Variants in EEF1A2 observed in about 807,000 individuals in gnomAD.
EEF1A2 encodes elongation factor 1-alpha 2.
EEF1A2 carries 5 observed loss-of-function variants against 39.3 expected under a neutral mutation model. The ratio of observed to expected loss-of-function variants is 0.13; its 90% confidence interval spans 0.07 to 0.27. The LOEUF (loss-of-function observed/expected upper bound fraction) is 0.27, where lower values mean the gene tolerates loss of function less well. Ranked by LOEUF, EEF1A2 falls within the 10% of genes least tolerant of loss-of-function variation. The pLI, the probability that EEF1A2 is intolerant of heterozygous loss-of-function variation, is 1.00. For missense variants in EEF1A2, 218 were observed against 681.4 expected, an observed-to-expected ratio of 0.32 and a Z score of 7.57; for synonymous variants, 287 against 293.7, an observed-to-expected ratio of 0.98 and a Z score of 0.23.
In EEF1A2 at chr20:63,488,195, G is replaced by C. The variant is rs928631028; in HGVS notation, c.*103C>G. On this transcript the variant is annotated 3_prime_UTR_variant, in exon 8 of 8. Transcript: ENST00000217182. ...GCAGACATGCGCCTGGCGGGGGTGC[G>C]GGGCGCCGGACCGGCGCGCGGGGCG... 175 of 767,450 alleles carry C rather than the reference G, an allele frequency of 2.3e-4. No homozygotes were observed. Among genetic ancestry groups the C allele is most frequent in the Middle Eastern group, 6.6e-4 (1 of 1,524 alleles). 47.5% of individuals were successfully genotyped at this position (767,450 alleles called of 1,614,324 possible). A position where few individuals can be genotyped will look rare whatever the true frequency, so the allele number is the denominator to read the frequency against.
At position 63,496,055 on chromosome 20, in the gene EEF1A2, C is replaced by G. The variant is rs756963600; in HGVS notation, c.145-20G>C. ...CCCCATCTGGAGCGGGTGAGGGTCA[C>G]GGCTGAGGGCGGGACCCGGGACCCA... is the stretch of plus-strand genomic sequence containing the variant. On this transcript the variant is annotated intron_variant, in intron 2 of 7. Coordinates refer to ENST00000217182, the MANE Select transcript of EEF1A2 (RefSeq NM_001958.5). 1 of 1,611,268 alleles carries G rather than the reference C, an allele frequency of 6.2e-7. No homozygotes were observed. The highest frequency in any genetic ancestry group is 1.3e-5 in the African/African-American group (1 of 75,048).
At position 63,493,243 on chromosome 20, in the gene EEF1A2, G is replaced by A. The variant is rs1023284810; in HGVS notation, c.666C>T (p.Asn222=). 9 of 1,545,194 alleles carry A rather than the reference G, an allele frequency of 5.8e-6. No individual in the cohort carries two copies. The highest frequency in any genetic ancestry group is 4.1e-5 in the African/African-American group (3 of 72,856). The change falls in exon 5 of 8, where the codon AAC becomes AAT. Residue 222 remains asparagine, a synonymous_variant. Coordinates refer to ENST00000217182, the MANE Select transcript of EEF1A2 (RefSeq NM_001958.5). The stretch of plus-strand genomic sequence containing the variant: ...CCTCCAGCAGGGACACGCCGCTTGC[G>A]TTGCCCTCCTTACGCTCCACCTTCC... ...KGWKVERKEG[N]ASGVSLLEAL... is the part of the protein sequence containing the mutation.
chr20:63,493,126 C>T lies in EEF1A2; in HGVS notation c.772+11G>A. On this transcript the variant is annotated intron_variant, in intron 5 of 7. Transcript: ENST00000217182. Reference sequence around the variant, plus strand: ...GCCAGGCAGGAGCTCCAGCACAGCGCCCTTGCTCACCGCCAATCTTGTACA... The same window carrying T: ...GCCAGGCAGGAGCTCCAGCACAGCGTCCTTGCTCACCGCCAATCTTGTACA... 1.9e-6 allele frequency: 3 copies of T among 1,546,462 alleles called. No homozygotes were observed. The highest frequency in any genetic ancestry group is 2.6e-6 in the Non-Finnish European group (3 of 1,145,116).
At position 63,494,716 on chromosome 20, in the gene EEF1A2, G is replaced by A. The variant is rs967827388; in HGVS notation, c.621+89C>T. Reference sequence around the variant, plus strand: ...CTGCATTTCCCGGGGACAGGCCCTCGACCTCCCCGTGCCACCTGCCGGTGC... The same window carrying A: ...CTGCATTTCCCGGGGACAGGCCCTCAACCTCCCCGTGCCACCTGCCGGTGC... On this transcript the variant is annotated intron_variant, in intron 4 of 7. Transcript: ENST00000217182. The A allele has an allele frequency of 2.6e-5, 39 of 1,483,808 alleles. No homozygotes were observed. In the African/African-American group the frequency reaches 3.9e-4, roughly 15 times the overall value. 91.9% of individuals were successfully genotyped at this position (1,483,808 alleles called of 1,614,324 possible). A position where few individuals can be genotyped will look rare whatever the true frequency, so the allele number is the denominator to read the frequency against.
In EEF1A2 at chr20:63,492,353, AATAG is replaced by A. The variant is rs201076173; in HGVS notation, c.772+780_772+783del. Among the ~76,000 whole-genome samples the A allele has an allele frequency of 9.5e-4, 94 of 98,952 alleles. No individual in the cohort carries two copies. The East Asian group carries it at 0.019, about 20-fold the overall frequency. The allele number at this position is 98,952 out of a possible 152,430, so 64.9% of individuals were successfully genotyped here. The stretch of plus-strand genomic sequence containing the variant: ...AGATAGAAGGATGGATGGGTGGGTC[AATAG>A]ATGGATGGATAGAGAGAAGGATGGA... On this transcript the variant is annotated intron_variant, in intron 5 of 7. Coordinates refer to ENST00000217182, the MANE Select transcript of EEF1A2 (RefSeq NM_001958.5).
chr20:63,490,899 G>C (rs953034101), intron 5 of EEF1A2, among the ~76,000 whole-genome samples, 164 bp from the exon 6 acceptor site: 1 of 139,026 alleles, frequency 7.2e-6, no homozygotes, highest in African/African-American at 2.4e-5. Context: ...GGGAGGCCAG[G>C]GACAAGGGCA....
intron 4 of EEF1A2, among the ~76,000 whole-genome samples, chr20:63,493,606 C>G (rs1254969617): frequency 6.6e-6 from 1 of 152,238 alleles, no homozygotes; most frequent in African/African-American, 2.4e-5. Flanking sequence ...GGCCCCTGAC[C>G]ATCAGCTCCA....
Position 63,497,709 on chromosome 20 carries a change from C to T in EEF1A2, c.55G>A (p.Gly19Arg), listed in dbSNP as rs2082424766. Residue 19 changes from glycine (G) to arginine (R), a missense_variant, in exon 2 of 8, where the codon GGA becomes AGA. Physicochemically the swap from Gly to Arg is moderately radical, Grantham distance 125 (BLOSUM62 -2). This residue lies in a region of EEF1A2 where 28 missense variants were observed against 156.2 expected (regional missense o/e 0.18). Coordinates refer to ENST00000217182, the MANE Select transcript of EEF1A2 (RefSeq NM_001958.5). The surrounding 1 kb of genome is among the most constrained non-coding windows in gnomAD (Gnocchi z 7.3). Reference protein sequence around the residue: ...NIVVIGHVDSGKSTTTGHLIY... With the variant: ...NIVVIGHVDSRKSTTTGHLIY... ...AGGTGGCCCGTGGTGGTGGACTTTC[C>T]GGAGTCCACGTGGCCGATGACCACG... is the stretch of plus-strand genomic sequence containing the variant. 1 of 1,612,986 alleles carries T rather than the reference C, an allele frequency of 6.2e-7. No homozygotes were observed. Among genetic ancestry groups the T allele is most frequent in the Non-Finnish European group, 8.5e-7 (1 of 1,179,850 alleles).
Position 63,496,042 on chromosome 20 carries a change from C to A in EEF1A2, c.145-7G>T, listed in dbSNP as rs536472004. 20 of 1,612,056 alleles carry A rather than the reference C, an allele frequency of 1.2e-5. No individual in the cohort carries two copies. Among genetic ancestry groups the A allele is most frequent in the Non-Finnish European group, 1.5e-5 (18 of 1,179,802 alleles). On this transcript the variant is annotated splice_polypyrimidine_tract_variant and splice_region_variant and intron_variant, in intron 2 of 7. Coordinates refer to ENST00000217182, the MANE Select transcript of EEF1A2 (RefSeq NM_001958.5). ...TGAAGGATCCCTTCCCCATCTGGAG[C>A]GGGTGAGGGTCACGGCTGAGGGCGG...
chr20:63,495,075 C>T lies in EEF1A2; in HGVS notation c.351G>A (p.Ala117=), dbSNP rs148602858. ...SQADCAVLIV[A]AGVGEFEAGI... ...CCGCCTCGAACTCGCCCACGCCCGCCGCCACGATCAGCACTGCGCAGTCCG... is the reference window on the plus strand; with the variant it reads ...CCGCCTCGAACTCGCCCACGCCCGCTGCCACGATCAGCACTGCGCAGTCCG... The change falls in exon 4 of 8, where the codon GCG becomes GCA. Residue 117 remains alanine, a synonymous_variant. Coordinates refer to ENST00000217182, the MANE Select transcript of EEF1A2 (RefSeq NM_001958.5). 35 of 1,611,582 alleles carry T rather than the reference C, an allele frequency of 2.2e-5. No individual in the cohort carries two copies. Among genetic ancestry groups the T allele is most frequent in the East Asian group, 1.8e-4 (8 of 44,882 alleles).
chr20:63,488,563 G>A, intron 7 of EEF1A2, 138 bp from the exon 8 acceptor site: 1 of 1,203,476 alleles, frequency 8.3e-7, no homozygotes, highest in Admixed American at 3.5e-5. Flanking sequence ...CCCCTGTGAA[G>A]ACGGCCGGCC....
chr20:63,494,360 C>T (rs956364677), intron 4 of EEF1A2, among the ~76,000 whole-genome samples: 1 of 152,250 alleles, frequency 6.6e-6, no homozygotes, highest in Non-Finnish European at 1.5e-5. Flanking sequence ...ATGCACACTT[C>T]CCAAAGCCCA....
chr20:63,491,983 T>C (rs1291151499), intron 5 of EEF1A2, among the ~76,000 whole-genome samples: 2 of 120,108 alleles, frequency 1.7e-5, no homozygotes, highest in Non-Finnish European at 3.4e-5. Flanking sequence ...GATGGATGGA[T>C]GGATGGATGG....
At chr20:63,494,060 C>G (rs2082405068) in intron 4 of EEF1A2, among the ~76,000 whole-genome samples, 2 of 152,342 alleles carry the variant, frequency 1.3e-5, no homozygotes, top group Admixed American at 1.3e-4. Context: ...CAGTTCTGTC[C>G]CCAGACCTCA....
chr20:63,498,016 C>T lies in EEF1A2; in HGVS notation c.-71-182G>A. ...CTGGCCAGGGCAAGCAGAGGCTGTG[C>T]ACTGCCCCCACCCCACACTTGAGCC... On this transcript the variant is annotated intron_variant, in intron 1 of 7. Coordinates refer to ENST00000217182, the MANE Select transcript of EEF1A2 (RefSeq NM_001958.5). This position sits in a 1 kb window ranked among gnomAD's most constrained non-coding sequence, Gnocchi z 4.1. 2.2e-6 allele frequency: 1 copy of T among 459,758 alleles called. No homozygotes were observed. The highest frequency in any genetic ancestry group is 3.9e-6 in the Non-Finnish European group (1 of 257,880). 28.5% of individuals were successfully genotyped at this position (459,758 alleles called of 1,614,324 possible).
rs749250921 is a variant in EEF1A2, at chr20:63,493,234, G to A, written c.675C>T (p.Gly225=). The A allele has an allele frequency of 7.2e-5, 111 of 1,546,676 alleles. 2 individuals are homozygous for A. The South Asian group carries it at 8.6e-4, about 12-fold the overall frequency. The change falls in exon 5 of 8, where the codon GGC becomes GGT. Residue 225 remains glycine, a synonymous_variant. Transcript: ENST00000217182. ...TGTCCAGGGCCTCCAGCAGGGACACGCCGCTTGCGTTGCCCTCCTTACGCT... is the reference window on the plus strand; with the variant it reads ...TGTCCAGGGCCTCCAGCAGGGACACACCGCTTGCGTTGCCCTCCTTACGCT... ...KVERKEGNAS[G]VSLLEALDTI...
chr20:63,489,798 A>C (rs1268659953), intron 6 of EEF1A2, among the ~76,000 whole-genome samples: 2 of 152,176 alleles, frequency 1.3e-5, no homozygotes, highest in South Asian at 2.1e-4. Context: ...AAAAATAAAT[A>C]AATCATATGA....
rs1343094066 is a variant in EEF1A2 at position 63,489,191 on chromosome 20, C to T, written c.1030-39G>A. ...CACAGGCGGCCATCAGGCACATCGGCGGTGGGCACCGGGAGGGCGCCAGAG... is the reference window on the plus strand; with the variant it reads ...CACAGGCGGCCATCAGGCACATCGGTGGTGGGCACCGGGAGGGCGCCAGAG... On this transcript the variant is annotated intron_variant, in intron 6 of 7. Transcript: ENST00000217182. The T allele has an allele frequency of 3.1e-6, 5 of 1,592,338 alleles. No homozygotes were observed. The South Asian group carries it at 3.3e-5, about 11-fold the overall frequency.
intron 3 of EEF1A2, among the ~76,000 whole-genome samples, chr20:63,495,352 A>G (rs556123964): frequency 6.6e-6 from 1 of 152,380 alleles, no homozygotes; most frequent in East Asian, 1.9e-4. Context: ...TCCCTGGACA[A>G]GTCACTCAGC....
Sources: allele counts gnomAD v4.1 joint callset (sites outside exome capture counted in the v4.1 genomes callset), GRCh38; gene constraint gnomAD v4.1.1; regional missense constraint gnomAD v4.1.1; non-coding constraint Gnocchi (gnomAD v3.1); transcripts MANE v1.5; gene names NCBI Gene and HGNC (gene_info 2026-07-23, HGNC 2026-07-21).